Variants in RAMP1 observed in about 807,000 individuals in gnomAD.
RAMP1 encodes the protein receptor activity-modifying protein 1.
A neutral mutation model predicts 8.2 loss-of-function variants in RAMP1; 7 were observed. The observed-to-expected ratio is 0.85, with a 90% CI of 0.49 to 1.60. The LOEUF (loss-of-function observed/expected upper bound fraction) is 1.60. RAMP1 is among the 40% of genes most tolerant of loss of function. The pLI is 0.00. For missense variants in RAMP1, 192 were observed against 202.4 expected (o/e 0.95, Z 0.31); for synonymous variants, 92 against 84.7 (o/e 1.09, Z -0.47).
intron 2 of RAMP1, among the ~76,000 whole-genome samples, chr2:237,896,511 G>A (rs2062543839): frequency 6.6e-6 from 1 of 152,234 alleles, no homozygotes; most frequent in Non-Finnish European, 1.5e-5. Flanking sequence ...TCCCCAGTCT[G>A]CACTGCCGCC....
At position 237,865,685 on chromosome 2, in the gene RAMP1, C is replaced by A. The variant is rs3769039; in HGVS notation, c.52+5958C>A. On this transcript the variant is annotated intron_variant, in intron 1 of 2. Transcript: ENST00000254661. This position sits in a 1 kb window ranked among gnomAD's most constrained non-coding sequence, Gnocchi z 4.2. ...GTATGGCCAAGAGAGGTGTTTCTGG[C>A]GGCAGCAGGGCCTGGCCTATGTCAA... is the stretch of plus-strand genomic sequence containing the variant. Among the ~76,000 whole-genome samples the A allele has an allele frequency of 1.3e-5, 2 of 152,062 alleles. No homozygotes were observed. Among genetic ancestry groups the A allele is most frequent in the African/African-American group, 2.4e-5 (1 of 41,386 alleles).
chr2:237,887,034 G>A (rs1366795185), intron 2 of RAMP1, among the ~76,000 whole-genome samples: 2 of 145,404 alleles, frequency 1.4e-5, no homozygotes, highest in Non-Finnish European at 3.0e-5. Flanking sequence ...GCCAGTTTGT[G>A]CACACAGGGC....
At chr2:237,867,430 C>T (rs79733413) in intron 1 of RAMP1, among the ~76,000 whole-genome samples, 8,952 of 132,260 alleles carry the variant, frequency 0.068, 642 homozygotes, top group East Asian at 0.23. Flanking sequence ...GAGTTAACAC[C>T]TTAAACCTTC....
intron 1 of RAMP1, among the ~76,000 whole-genome samples, chr2:237,874,059 G>A (rs899044079): frequency 1.2e-4 from 18 of 152,222 alleles, no homozygotes; most frequent in African/African-American, 4.3e-4. Context: ...AAGAGAGGTG[G>A]GGGATGCAGC....
Position 237,876,918 on chromosome 2 carries a change from C to T in RAMP1, c.53-306C>T, listed in dbSNP as rs374780688. On this transcript the variant is annotated intron_variant, in intron 1 of 2. Coordinates refer to ENST00000254661, the MANE Select transcript of RAMP1 (RefSeq NM_005855.4). Reference sequence around the variant, plus strand: ...AACAGGGGCAGCCAGAGACTGTCTCCGGGCCCCTCTCATGCTGCCCATGCC... The same window carrying T: ...AACAGGGGCAGCCAGAGACTGTCTCTGGGCCCCTCTCATGCTGCCCATGCC... 2.4e-3 allele frequency among the ~76,000 whole-genome samples: 370 copies of T among 152,282 alleles called. 1 individual carries two copies. The highest frequency in any genetic ancestry group is 8.9e-3 in the South Asian group (43 of 4,826).
intron 2 of RAMP1, among the ~76,000 whole-genome samples, chr2:237,884,761 G>A (rs1423996586): frequency 6.6e-6 from 1 of 152,194 alleles, no homozygotes; most frequent in Non-Finnish European, 1.5e-5. Flanking sequence ...AAGCTTCCAG[G>A]TTTGTAAATA....
At position 237,900,920 on chromosome 2, in the gene RAMP1, G is replaced by C. The variant is rs564321840; in HGVS notation, c.192-10608G>C. ...AAGCCGGCTGAGTCTCTGTAGAATAGAACCTTTATCAGACAGTCACTGCAT... is the reference window on the plus strand; with the variant it reads ...AAGCCGGCTGAGTCTCTGTAGAATACAACCTTTATCAGACAGTCACTGCAT... On this transcript the variant is annotated intron_variant, in intron 2 of 2. Transcript: ENST00000254661. Among the ~76,000 whole-genome samples the C allele has an allele frequency of 5.9e-5, 9 of 152,332 alleles. No homozygotes were observed. In the South Asian group the frequency reaches 1.9e-3, roughly 32 times the overall value.
At chr2:237,859,304 G>A (rs2062108035), upstream of RAMP1, among the ~76,000 whole-genome samples, 1 of 152,208 alleles carries the variant, frequency 6.6e-6, no homozygotes, top group African/African-American at 2.4e-5. Flanking sequence ...GAGGAGGAGG[G>A]GAAGATCCCC....
rs1415448913 is a variant in RAMP1, at chr2:237,878,618, C to T, written c.191+1256C>T. ...CCCTCTTCAGTCCTACTGAGATTGG[C>T]AGATGAGTGGCCTCTGTTTTCTCCT... is the stretch of plus-strand genomic sequence containing the variant. On this transcript the variant is annotated intron_variant, in intron 2 of 2. Coordinates refer to ENST00000254661, the MANE Select transcript of RAMP1 (RefSeq NM_005855.4). The surrounding 1 kb of genome is among the most constrained non-coding windows in gnomAD (Gnocchi z 5.7). Among the ~76,000 whole-genome samples, 4 of 152,232 alleles carry T rather than the reference C, an allele frequency of 2.6e-5. No homozygotes were observed. Among genetic ancestry groups the T allele is most frequent in the African/African-American group, 9.6e-5 (4 of 41,462 alleles).
intron 2 of RAMP1, among the ~76,000 whole-genome samples, chr2:237,883,096 G>T (rs766902770): frequency 1.3e-5 from 2 of 152,106 alleles, no homozygotes; most frequent in Admixed American, 1.3e-4. Flanking sequence ...AATTATTGGG[G>T]TCTGGTATCC....
At chr2:237,910,660 C>G (rs1325845005) in intron 2 of RAMP1, among the ~76,000 whole-genome samples, 1 of 146,654 alleles carries the variant, frequency 6.8e-6, no homozygotes, top group East Asian at 1.9e-4. Context: ...CACACACAGT[C>G]ACACACAGGG....
intron 2 of RAMP1, among the ~76,000 whole-genome samples, chr2:237,900,121 T>C (rs1031341957): frequency 1.3e-5 from 2 of 152,158 alleles, no homozygotes; most frequent in Non-Finnish European, 2.9e-5. Flanking sequence ...ATTAATCTCT[T>C]ATACTTCTTC....
intron 2 of RAMP1, among the ~76,000 whole-genome samples, chr2:237,903,842 C>T (rs995183786): frequency 1.3e-5 from 2 of 152,182 alleles, no homozygotes; most frequent in African/African-American, 4.8e-5. Context: ...CTACAGGCAC[C>T]CGCCACCACG....
intron 1 of RAMP1, among the ~76,000 whole-genome samples, chr2:237,873,232 T>TTCTCTC (rs2062264103): frequency 6.6e-6 from 1 of 152,190 alleles, no homozygotes; most frequent in South Asian, 2.1e-4. Context: ...GGGTCTGAGA[T>TTCTCTC]TCTCTCTCTA....
intron 2 of RAMP1, among the ~76,000 whole-genome samples, chr2:237,888,566 A>G (rs1238303908): frequency 6.6e-6 from 1 of 152,212 alleles, no homozygotes; most frequent in African/African-American, 2.4e-5. Context: ...GGTCTCTGAC[A>G]GTTATTTGGA....
At chr2:237,886,382 T>C (rs1238685754) in intron 2 of RAMP1, among the ~76,000 whole-genome samples, 1 of 152,100 alleles carries the variant, frequency 6.6e-6, no homozygotes, top group Non-Finnish European at 1.5e-5. Context: ...TCACTTAACG[T>C]GCGCGCCATG....
chr2:237,906,867 C>T lies in RAMP1; in HGVS notation c.192-4661C>T, dbSNP rs544925866. On this transcript the variant is annotated intron_variant, in intron 2 of 2. Coordinates refer to ENST00000254661, the MANE Select transcript of RAMP1 (RefSeq NM_005855.4). ...CCTCCCGAGTAGCTGGGATTACAGGCATCTGCCACCATGCCCAGCTAATTT... is the reference window on the plus strand; with the variant it reads ...CCTCCCGAGTAGCTGGGATTACAGGTATCTGCCACCATGCCCAGCTAATTT... Among the ~76,000 whole-genome samples, 15 of 152,120 alleles carry T rather than the reference C, an allele frequency of 9.9e-5. No individual in the cohort carries two copies. The East Asian group carries it at 2.9e-3, about 29-fold the overall frequency.
At chr2:237,898,987 C>T (rs1325752035) in intron 2 of RAMP1, among the ~76,000 whole-genome samples, 1 of 152,180 alleles carries the variant, frequency 6.6e-6, no homozygotes, top group Non-Finnish European at 1.5e-5. Context: ...TGCCTAAATG[C>T]GAAATAAGCC....
chr2:237,903,781 A>G (rs1241198036), intron 2 of RAMP1, among the ~76,000 whole-genome samples: 2 of 151,614 alleles, frequency 1.3e-5, no homozygotes, highest in Non-Finnish European at 2.9e-5. Flanking sequence ...TGCAACCTCC[A>G]CCTCCCAGGT....
Sources: allele counts gnomAD v4.1 joint callset (sites outside exome capture counted in the v4.1 genomes callset), GRCh38; gene constraint gnomAD v4.1.1; non-coding constraint Gnocchi (gnomAD v3.1); transcripts MANE v1.5; gene names NCBI Gene and HGNC (gene_info 2026-07-23, HGNC 2026-07-21).